Variants in ACOT1 observed in about 807,000 individuals in gnomAD.
ACOT1 encodes acyl-CoA thioesterase 1, also known as acyl-coenzyme A thioesterase 1.
In ACOT1, 8 loss-of-function variants were observed where a neutral mutation model predicts 15.7. The observed-to-expected ratio is 0.51, with a 90% CI of 0.30 to 0.92. ACOT1 has a LOEUF of 0.92. Ranked by LOEUF, ACOT1 falls within the 40% of genes least tolerant of loss-of-function variation. The probability of loss-of-function intolerance (pLI) is 0.06; values close to 1 mark genes in which losing one functional copy is unlikely to be tolerated. For missense variants in ACOT1, 151 were observed against 539.4 expected (o/e 0.28, Z 7.13); for synonymous variants, 67 against 241.2 (o/e 0.28, Z 6.69).
At chr14:73,500,455 C>T in the ACOT1 span, 32 of 1,274,354 alleles carry the variant, frequency 2.5e-5, no homozygotes, top group Admixed American at 4.6e-4. Flanking sequence ...CATTCTGTGT[C>T]CCCACAGAAT....
the ACOT1 span, chr14:73,514,296 G>C: frequency 1.4e-6 from 2 of 1,461,932 alleles, no homozygotes; most frequent in Middle Eastern, 2.1e-4. Context: ...CCACACAGTG[G>C]CCCCAGCTTG....
At chr14:73,527,225 T>TA in the ACOT1 span, 2 of 152,040 alleles carry the variant, frequency 1.3e-5, no homozygotes, top group African/African-American at 4.8e-5. Flanking sequence ...AATAAATACC[T>TA]AACTCTTCAA....
In ACOT1 at chr14:73,537,320, G is replaced by T; in HGVS notation, c.-102G>T. On this transcript the variant is annotated 5_prime_UTR_variant, in exon 1 of 3. Coordinates refer to ENST00000311148, the MANE Select transcript of ACOT1 (RefSeq NM_001037161.2). Reference sequence around the variant, plus strand: ...TTAGCAGACAGCTCTGCCCTAGTGGGCGTTTAGCCTGCGACGGCAGCCCGA... The same window carrying T: ...TTAGCAGACAGCTCTGCCCTAGTGGTCGTTTAGCCTGCGACGGCAGCCCGA... 1 of 1,030,958 alleles carries T rather than the reference G, an allele frequency of 9.7e-7. No homozygotes were observed. The highest frequency in any genetic ancestry group is 1.3e-6 in the Non-Finnish European group (1 of 760,562). 63.9% of individuals were successfully genotyped at this position (1,030,958 alleles called of 1,614,324 possible). A position where few individuals can be genotyped will look rare whatever the true frequency, so the allele number is the denominator to read the frequency against.
At chr14:73,511,884 C>CT in the ACOT1 span, 1 of 1,194,256 alleles carries the variant, frequency 8.4e-7, no homozygotes, top group African/African-American at 1.5e-5. Flanking sequence ...AGGCCAGTCT[C>CT]TAAGTCTTGG....
the ACOT1 span, among the ~76,000 whole-genome samples, chr14:73,510,291 A>T: frequency 5.3e-5 from 8 of 152,016 alleles, no homozygotes; most frequent in African/African-American, 1.9e-4. Context: ...CTCACTAGGG[A>T]GTCTTTTTTG....
At chr14:73,510,322 T>C in the ACOT1 span, among the ~76,000 whole-genome samples, 2 of 152,144 alleles carry the variant, frequency 1.3e-5, no homozygotes, top group Non-Finnish European at 2.9e-5. Flanking sequence ...ACAGTAAGGT[T>C]CATAAGACTG....
the ACOT1 span, chr14:73,520,104 TTAGAG>T: frequency 6.6e-6 from 1 of 152,224 alleles, no homozygotes; most frequent in Non-Finnish European, 1.5e-5. Context: ...TCATGAATAC[TTAGAG>T]TAATTTTGTT....
chr14:73,495,898 C>T, the ACOT1 span, among the ~76,000 whole-genome samples: 1 of 152,034 alleles, frequency 6.6e-6, no homozygotes, highest in African/African-American at 2.4e-5. Flanking sequence ...GAGGCTGAGG[C>T]GGGTGGATCA....
the ACOT1 span, chr14:73,522,522 T>G: frequency 6.2e-7 from 1 of 1,614,204 alleles, no homozygotes; most frequent in Non-Finnish European, 8.5e-7. Context: ...GTGCGCTCGT[T>G]CAGCTTTTCC....
At chr14:73,502,795 C>A in the ACOT1 span, 1 of 818,852 alleles carries the variant, frequency 1.2e-6, no homozygotes, top group Non-Finnish European at 2.1e-6. Flanking sequence ...GATCCGCCCA[C>A]CCCGTCTTCC....
chr14:73,520,115 T>C, the ACOT1 span: 1 of 152,200 alleles, frequency 6.6e-6, no homozygotes, highest in Non-Finnish European at 1.5e-5. Flanking sequence ...TAGAGTAATT[T>C]TGTTAAACAC....
At chr14:73,518,604 T>C in the ACOT1 span, among the ~76,000 whole-genome samples, 1 of 152,266 alleles carries the variant, frequency 6.6e-6, no homozygotes, top group Admixed American at 6.5e-5. Flanking sequence ...ATGATGAACT[T>C]GTGAAAGTTC....
the ACOT1 span, chr14:73,502,979 T>C: frequency 1.9e-6 from 3 of 1,614,016 alleles, no homozygotes; most frequent in Non-Finnish European, 2.5e-6. Context: ...ATTCCAGTCA[T>C]TCCACATCAG....
the ACOT1 span, chr14:73,520,660 G>C: frequency 1.8e-6 from 1 of 550,158 alleles, no homozygotes; most frequent in South Asian, 2.7e-5. Flanking sequence ...AGAGAGAGCA[G>C]TTCCCTCCCT....
chr14:73,514,252 G>T, the ACOT1 span: 1 of 1,609,774 alleles, frequency 6.2e-7, no homozygotes, highest in Non-Finnish European at 8.5e-7. Flanking sequence ...ACGTGGCAGT[G>T]TGAGGTCTTT....
At position 73,541,515 on chromosome 14, in the gene ACOT1, T is replaced by C. The variant is rs776297233; in HGVS notation, c.480T>C (p.Ile160=). Reference sequence around the variant, plus strand: ...AAGAACCTGGGCCCTTTCCTGGCATTGTGGACATGTTCGGAACTGGAGGTG... The same window carrying C: ...AAGAACCTGGGCCCTTTCCTGGCATCGTGGACATGTTCGGAACTGGAGGTG... The part of the protein sequence containing the change: ...LPPEPGPFPG[I]VDMFGTGGGL... Residue 160 remains isoleucine (I), a synonymous_variant, in exon 2 of 3, where the codon ATT becomes ATC. Transcript: ENST00000311148. 6 of 1,245,034 alleles carry C rather than the reference T, an allele frequency of 4.8e-6. 1 individual carries two copies. The Admixed American group carries it at 9.6e-5, about 20-fold the overall frequency. The allele number at this position is 1,245,034 out of a possible 1,614,324, so 77.1% of individuals were successfully genotyped here. A position where few individuals can be genotyped will look rare whatever the true frequency, so the allele number is the denominator to read the frequency against.
At chr14:73,529,354 CAAAAA>C in the ACOT1 span, among the ~76,000 whole-genome samples, 1,285 of 87,402 alleles carry the variant, frequency 0.015, 24 homozygotes, top group African/African-American at 0.053. Flanking sequence ...GACTCTGTCT[CAAAAA>C]AAAAAAAAAA....
the ACOT1 span, chr14:73,519,263 C>T: frequency 8.1e-7 from 1 of 1,236,350 alleles, no homozygotes; most frequent in Non-Finnish European, 1.1e-6. Flanking sequence ...TCCTTTTGCC[C>T]TAATCTAAGC....
At chr14:73,509,524 A>C in the ACOT1 span, 151 of 1,590,300 alleles carry the variant, frequency 9.5e-5, no homozygotes, top group Non-Finnish European at 1.2e-4. Context: ...TGCTTTTCTC[A>C]CACACAGCTT....
Sources: gnomAD v4.1 joint callset for allele counts (sites outside exome capture counted in the v4.1 genomes callset) on GRCh38, gnomAD v4.1.1 for gene constraint, MANE v1.5 for transcripts, NCBI Gene and HGNC (gene_info 2026-07-23, HGNC 2026-07-21) for gene names.